Variants in PLOD1 observed in about 807,000 individuals in gnomAD.
PLOD1 encodes lysine hydroxylase.
A neutral mutation model predicts 94.7 loss-of-function variants in PLOD1; 70 were observed. The ratio of observed to expected loss-of-function variants is 0.74; its 90% CI spans 0.61 to 0.90. The LOEUF is 0.90. PLOD1 is among the 40% of genes least tolerant of loss of function. The pLI is 0.00. For synonymous variants in PLOD1, 417 were observed against 400.2 expected (o/e 1.04, Z -0.50); for missense variants, 905 against 972.7 (o/e 0.93, Z 0.93).
chr1:11,952,566 G>A, intron 4 of PLOD1, 57 bp from the exon 5 acceptor site: 1 of 1,276,596 alleles, frequency 7.8e-7, no homozygotes, highest in Admixed American at 1.7e-5. Context: ...GGAGGCCCCT[G>A]ACTTAGAGGC....
intron 17 of PLOD1, chr1:11,971,474 G>A (rs1190900919): frequency 6.3e-6 from 1 of 159,114 alleles, no homozygotes; most frequent in Non-Finnish European, 1.4e-5. Context: ...GCCTGAGCTG[G>A]AGTCTCACTC....
Position 11,972,636 on chromosome 1 carries a change from T to A in PLOD1, c.1903-236T>A. 2 of 404,844 alleles carry A rather than the reference T, an allele frequency of 4.9e-6. No homozygotes were observed. The highest frequency in any genetic ancestry group is 9.4e-6 in the Non-Finnish European group (2 of 212,808). The allele number at this position is 404,844 out of a possible 1,614,324, so 25.1% of individuals were successfully genotyped here. A position where few individuals can be genotyped will look rare whatever the true frequency, so the allele number is the denominator to read the frequency against. On this transcript the variant is annotated intron_variant, in intron 17 of 18. Transcript: ENST00000196061. The surrounding 1 kb of genome is among the most constrained non-coding windows in gnomAD (Gnocchi z 4.6). The stretch of plus-strand genomic sequence containing the variant: ...CTCCCTCCCTCCCTTCCTTTCTTCC[T>A]TCCCCTCTGTTCTCTTCCTTCCCTC...
chr1:11,939,957 TCTCA>T lies in PLOD1; in HGVS notation c.76+5105_76+5108del, dbSNP rs1279873664. ...ATTTTATTTTTTTGTACAGACAGGG[TCTCA>T]CTGTGTTGCCCCGGCTGGTCTTGAA... On this transcript the variant is annotated intron_variant, in intron 1 of 18. Coordinates refer to ENST00000196061, the MANE Select transcript of PLOD1 (RefSeq NM_000302.4). Among the ~76,000 whole-genome samples, 9 of 151,868 alleles carry T rather than the reference TCTCA, an allele frequency of 5.9e-5. No individual in the cohort carries two copies. In the South Asian group the frequency reaches 1.2e-3, roughly 21 times the overall value.
chr1:11,968,518 C>CTTT (rs1359987084), intron 16 of PLOD1, among the ~76,000 whole-genome samples: 7 of 141,742 alleles, frequency 4.9e-5, no homozygotes, highest in Non-Finnish European at 1.1e-4. Flanking sequence ...TTTCTTTTTT[C>CTTT]TTTTTTTTTT....
rs537976006 is a variant in PLOD1, at chr1:11,961,577, T to G, written c.1097+810T>G. ...AGGCTGCATTCCAGCAAAATTTCAT[T>G]TATGGACACTGAAATTTGACTTTCA... On this transcript the variant is annotated intron_variant, in intron 10 of 18. Coordinates refer to ENST00000196061, the MANE Select transcript of PLOD1 (RefSeq NM_000302.4). Among the ~76,000 whole-genome samples the G allele has an allele frequency of 8.5e-5, 13 of 152,298 alleles. No homozygotes were observed. The South Asian group carries it at 1.5e-3, about 17-fold the overall frequency.
At chr1:11,944,864 T>G (rs1231375312) in intron 1 of PLOD1, among the ~76,000 whole-genome samples, 1 of 152,172 alleles carries the variant, frequency 6.6e-6, no homozygotes, top group African/African-American at 2.4e-5. Flanking sequence ...GTTCCTACAG[T>G]CTAGGTTCCT....
At chr1:11,959,232 T>TA (rs1553135307) in intron 9 of PLOD1, among the ~76,000 whole-genome samples, 2 of 151,334 alleles carry the variant, frequency 1.3e-5, no homozygotes, top group African/African-American at 4.9e-5. Context: ...AATAAATAAA[T>TA]AAATAAAATA....
Position 11,972,839 on chromosome 1 carries a change from C to T in PLOD1, c.1903-33C>T. 1 of 1,613,496 alleles carries T rather than the reference C, an allele frequency of 6.2e-7. No homozygotes were observed. Among genetic ancestry groups the T allele is most frequent in the South Asian group, 1.1e-5 (1 of 91,068 alleles). Reference sequence around the variant, plus strand: ...TGGCCTTTGTGTCCTCCTTAACTAACACGGGCTCTCTTGTCCCCCTGCCTT... The same window carrying T: ...TGGCCTTTGTGTCCTCCTTAACTAATACGGGCTCTCTTGTCCCCCTGCCTT... On this transcript the variant is annotated intron_variant, in intron 17 of 18. Transcript: ENST00000196061. This position sits in a 1 kb window ranked among gnomAD's most constrained non-coding sequence, Gnocchi z 4.6.
At chr1:11,973,084 A>G (rs1216500879) in intron 18 of PLOD1, 87 bp downstream of exon 18, 2 of 1,487,470 alleles carry the variant, frequency 1.3e-6, no homozygotes, top group African/African-American at 2.8e-5. Context: ...GTTGAGGCAG[A>G]GGGGCCCCAG....
rs1227600562 is a variant in PLOD1, at chr1:11,960,728, A to T, written c.1058A>T (p.Glu353Val). Reference protein sequence around the residue: ...EYQSVKLVGPEVRMANADARN... With the variant: ...EYQSVKLVGPVVRMANADARN... ...CAGTCTGTGAAGCTGGTGGGCCCTG[A>T]GGTGCGGATGGCGAATGCAGATGCC... The change falls in exon 10 of 19, where the codon GAG becomes GTG. Residue 353 changes from glutamate to valine, a missense_variant. Transcript: ENST00000196061. The T allele has an allele frequency of 5.0e-6, 8 of 1,613,400 alleles. No individual in the cohort carries two copies. Among genetic ancestry groups the T allele is most frequent in the Non-Finnish European group, 6.8e-6 (8 of 1,179,910 alleles).
chr1:11,934,912 G>C (rs544632796), intron 1 of PLOD1, 57 bp downstream of exon 1: 8 of 1,512,536 alleles, frequency 5.3e-6, no homozygotes, highest in South Asian at 1.2e-5. Context: ...GGCTGGTGTC[G>C]GGCTGCCTCC....
intron 14 of PLOD1, among the ~76,000 whole-genome samples, chr1:11,966,025 A>G (rs1233407497): frequency 6.6e-6 from 1 of 152,132 alleles, no homozygotes; most frequent in Non-Finnish European, 1.5e-5. Flanking sequence ...ATGCCTGCAC[A>G]CAGACATATA....
chr1:11,957,068 C>T lies in PLOD1; in HGVS notation c.741+54C>T. Reference sequence around the variant, plus strand: ...TGGGAGGGGGCCAGAGCCCTAATTTCATTCTCACTGTGACCCCACAGTGTC... The same window carrying T: ...TGGGAGGGGGCCAGAGCCCTAATTTTATTCTCACTGTGACCCCACAGTGTC... On this transcript the variant is annotated intron_variant, in intron 7 of 18. Transcript: ENST00000196061. This position sits in a 1 kb window ranked among gnomAD's most constrained non-coding sequence, Gnocchi z 4.1. 8.5e-7 allele frequency: 1 copy of T among 1,179,514 alleles called. No homozygotes were observed. The highest frequency in any genetic ancestry group is 1.3e-6 in the Non-Finnish European group (1 of 782,964). The allele number at this position is 1,179,514 out of a possible 1,614,324, so 73.1% of individuals were successfully genotyped here. A position where few individuals can be genotyped will look rare whatever the true frequency, so the allele number is the denominator to read the frequency against.
chr1:11,969,153 A>G (rs982665510), intron 16 of PLOD1, among the ~76,000 whole-genome samples: 1 of 150,246 alleles, frequency 6.7e-6, no homozygotes, highest in Non-Finnish European at 1.5e-5. Context: ...ACGCCTGGCT[A>G]ATTTTTGTAT....
chr1:11,936,571 G>A (rs60352670), intron 1 of PLOD1, among the ~76,000 whole-genome samples: 4,620 of 151,884 alleles, frequency 0.03, 212 homozygotes, highest in African/African-American at 0.1. Context: ...CCCCCAGGCT[G>A]GAGTGCAGTA....
In PLOD1 at chr1:11,963,419, T is replaced by A; in HGVS notation, c.1098-113T>A. 1 of 738,828 alleles carries A rather than the reference T, an allele frequency of 1.4e-6. No homozygotes were observed. Among genetic ancestry groups the A allele is most frequent in the Non-Finnish European group, 2.4e-6 (1 of 411,218 alleles). The allele number at this position is 738,828 out of a possible 1,614,324, so 45.8% of individuals were successfully genotyped here. A position where few individuals can be genotyped will look rare whatever the true frequency, so the allele number is the denominator to read the frequency against. ...AACCTTTGAGGCTGCTGGTGTGACC[T>A]CTCTAAAGCCCCTTGGCTGATATGT... is the stretch of plus-strand genomic sequence containing the variant. On this transcript the variant is annotated intron_variant, in intron 10 of 18. Coordinates refer to ENST00000196061, the MANE Select transcript of PLOD1 (RefSeq NM_000302.4). This position sits in a 1 kb window ranked among gnomAD's most constrained non-coding sequence, Gnocchi z 4.3.
intron 5 of PLOD1, 47 bp downstream of exon 5, chr1:11,952,782 G>A (rs773526523): frequency 9.6e-6 from 13 of 1,357,018 alleles, no homozygotes; most frequent in African/African-American, 7.2e-5. Context: ...GGGATCCACC[G>A]GCCAGGCTGC....
At chr1:11,956,154 C>G (rs76042184) in intron 6 of PLOD1, among the ~76,000 whole-genome samples, 1 of 151,754 alleles carries the variant, frequency 6.6e-6, no homozygotes, top group Non-Finnish European at 1.5e-5. Context: ...GAGGCCAAGG[C>G]GGGTGGATCA....
chr1:11,944,636 T>A, intron 1 of PLOD1: 1 of 1,361,590 alleles, frequency 7.3e-7, no homozygotes, highest in South Asian at 1.1e-5. Flanking sequence ...GTGAGCAGCA[T>A]CCCTCGTTTC....
Sources: gnomAD v4.1 joint callset for allele counts (sites outside exome capture counted in the v4.1 genomes callset) on GRCh38, gnomAD v4.1.1 for gene constraint, Gnocchi (gnomAD v3.1) non-coding constraint, MANE v1.5 for transcripts, NCBI Gene and HGNC (gene_info 2026-07-23, HGNC 2026-07-21) for gene names.